ARHGAP39: variants seen among roughly 807,000 people sequenced by gnomAD.
ARHGAP39 encodes the protein rho GTPase-activating protein 39.
ARHGAP39 carries 44 observed loss-of-function variants against 106.9 expected under a neutral mutation model. That is an observed-to-expected ratio of 0.41 (90% confidence interval 0.32 to 0.53). The LOEUF is 0.53. Among genes scored for constraint, ARHGAP39 ranks in the 20% least tolerant of loss-of-function variants. The pLI, the probability that ARHGAP39 is intolerant of heterozygous loss-of-function variation, is 0.21. For missense variants in ARHGAP39, 1,496 were observed against 1,577.3 expected, an observed-to-expected ratio of 0.95 and a Z score of 0.87; for synonymous variants, 768 against 693.2, an observed-to-expected ratio of 1.11 and a Z score of -1.69.
At chr8:144,698,674 C>G in the ARHGAP39 span, 1 of 325,898 alleles carries the variant, frequency 3.1e-6, no homozygotes, top group Non-Finnish European at 6.1e-6. Flanking sequence ...TGCTAGGAAC[C>G]TATCTGTTCC....
At chr8:144,554,953 C>G (rs1055013597) in intron 4 of ARHGAP39, among the ~76,000 whole-genome samples, 5 of 152,246 alleles carry the variant, frequency 3.3e-5, no homozygotes, top group African/African-American at 7.2e-5. Flanking sequence ...CACCCACCCC[C>G]CTACAGAAAC....
At chr8:144,587,025 C>T (rs1819206738) in intron 2 of ARHGAP39, among the ~76,000 whole-genome samples, 1 of 152,182 alleles carries the variant, frequency 6.6e-6, no homozygotes, top group Non-Finnish European at 1.5e-5. Flanking sequence ...CTCATGAGAT[C>T]TGATGGTTTT....
intron 1 of ARHGAP39, among the ~76,000 whole-genome samples, chr8:144,620,789 C>T (rs767860980): frequency 1.6e-4 from 24 of 152,362 alleles, no homozygotes; most frequent in Middle Eastern, 3.4e-3. Context: ...CAGGCGCCTA[C>T]GTGTGAGAAG....
intron 1 of ARHGAP39, among the ~76,000 whole-genome samples, chr8:144,658,147 T>C (rs574404707): frequency 6.6e-6 from 1 of 152,170 alleles, no homozygotes; most frequent in Non-Finnish European, 1.5e-5. Context: ...TTTGCTCTTT[T>C]TGCCCAGGCT....
At chr8:144,533,409 A>G (rs1050401653) in intron 8 of ARHGAP39, 84 bp from the exon 9 acceptor site, 51 of 1,379,896 alleles carry the variant, frequency 3.7e-5, no homozygotes, top group Non-Finnish European at 4.9e-5. Flanking sequence ...TTCCCCGAAC[A>G]TAGGTGGGTG....
chr8:144,578,799 G>A (rs918083369), intron 3 of ARHGAP39, among the ~76,000 whole-genome samples: 1 of 151,962 alleles, frequency 6.6e-6, no homozygotes, highest in African/African-American at 2.4e-5. Flanking sequence ...CAGTGAGATT[G>A]CACCACTGCA....
Position 144,548,104 on chromosome 8 carries a change from G to GCTCATCGTAGATGGGGGC in ARHGAP39, c.964_981dup (p.Ala322_Glu327dup). 2 of 1,587,180 alleles carry GCTCATCGTAGATGGGGGC rather than the reference G, an allele frequency of 1.3e-6. No individual in the cohort carries two copies. Among genetic ancestry groups the GCTCATCGTAGATGGGGGC allele is most frequent in the African/African-American group, 2.7e-5 (2 of 74,262 alleles). The stretch of plus-strand genomic sequence containing the variant: ...GCCTCGAATTGCACGTCCATGGGGG[G>GCTCATCGTAGATGGGGGC]CTCATCGTAGATGGGGGCCTGGTAC... On this transcript the variant is annotated inframe_insertion, in exon 5 of 12. Transcript: ENST00000377307. The surrounding 1 kb of genome is among the most constrained non-coding windows in gnomAD (Gnocchi z 7.4).
rs955379313 is a variant in ARHGAP39, at chr8:144,601,561, C to T, written c.80+3974G>A. Among the ~76,000 whole-genome samples the T allele has an allele frequency of 3.3e-5, 4 of 121,222 alleles. No individual in the cohort carries two copies. In the Admixed American group the frequency reaches 3.6e-4, roughly 11 times the overall value. The allele number at this position is 121,222 out of a possible 152,430, so 79.5% of individuals were successfully genotyped here. A position where few individuals can be genotyped will look rare whatever the true frequency, so the allele number is the denominator to read the frequency against. The stretch of plus-strand genomic sequence containing the variant: ...GTGCATGGAGGCGTGCGTGCGAGCT[C>T]GTGTACCTGTGTGCATGTGCGTGGA... On this transcript the variant is annotated intron_variant, in intron 2 of 11. Coordinates refer to ENST00000377307, the MANE Select transcript of ARHGAP39 (RefSeq NM_025251.3).
chr8:144,697,046 C>T, the ARHGAP39 span, among the ~76,000 whole-genome samples: 3 of 152,122 alleles, frequency 2.0e-5, no homozygotes, highest in Admixed American at 6.6e-5. Context: ...TGATCCTGGT[C>T]GGGCGCGGTG....
Position 144,548,241 on chromosome 8 carries a change from G to C in ARHGAP39, c.845C>G (p.Pro282Arg). The C allele has an allele frequency of 3.7e-6, 6 of 1,608,342 alleles. No homozygotes were observed. The highest frequency in any genetic ancestry group is 4.2e-6 in the Non-Finnish European group (5 of 1,177,346). Residue 282 changes from proline to arginine, a missense_variant, in exon 5 of 12, where the codon CCA becomes CGA. Pro to Arg is a moderately radical substitution (Grantham distance 103). Around this residue, in one of 4 missense-constraint regions of ARHGAP39, gnomAD observed 905 missense variants for 816.4 expected, o/e 1.11. Transcript: ENST00000377307. This position sits in a 1 kb window ranked among gnomAD's most constrained non-coding sequence, Gnocchi z 7.4. ...GGCCAGCAGCGGGGAGCTGCTCCCT[G>C]GGAGCTCGGCCCTCTTCAGGAAGGG... ...PSPFLKRAEL[P>R]GSSSPLLAQP...
chr8:144,603,309 G>C (rs1261494599), intron 2 of ARHGAP39, among the ~76,000 whole-genome samples: 2 of 152,024 alleles, frequency 1.3e-5, no homozygotes, highest in Non-Finnish European at 1.5e-5. Flanking sequence ...ATCTGTGTGT[G>C]TGCGTGTGCA....
chr8:144,587,618 C>T (rs940790085), intron 2 of ARHGAP39, among the ~76,000 whole-genome samples: 8 of 150,802 alleles, frequency 5.3e-5, no homozygotes, highest in Non-Finnish European at 8.8e-5. Context: ...GAAAGGCCTG[C>T]TGGGTCCCCA....
At chr8:144,639,025 T>A (rs113695726) in intron 1 of ARHGAP39, among the ~76,000 whole-genome samples, 9 of 152,350 alleles carry the variant, frequency 5.9e-5, no homozygotes, top group South Asian at 2.1e-4. Flanking sequence ...ATGCTTTTTT[T>A]AAAAATTACC....
chr8:144,597,155 A>C (rs753241436), intron 2 of ARHGAP39, among the ~76,000 whole-genome samples: 6 of 152,136 alleles, frequency 3.9e-5, no homozygotes, highest in Non-Finnish European at 7.4e-5. Context: ...GGCGACCAGA[A>C]CCCTAACAGC....
Position 144,534,137 on chromosome 8 carries a change from C to T in ARHGAP39, c.2680G>A (p.Ala894Thr). The T allele has an allele frequency of 6.2e-7, 1 of 1,612,974 alleles. No homozygotes were observed. Among genetic ancestry groups the T allele is most frequent in the Non-Finnish European group, 8.5e-7 (1 of 1,179,718 alleles). Residue 894 changes from alanine (A) to threonine (T), a missense_variant, in exon 8 of 12, where the codon GCC becomes ACC. Around this residue, in one of 4 missense-constraint regions of ARHGAP39, gnomAD observed 470 missense variants for 605.1 expected, o/e 0.78. Coordinates refer to ENST00000377307, the MANE Select transcript of ARHGAP39 (RefSeq NM_025251.3). ...CCCAGGCGCACCCGTACCTTCTTGG[C>T]CCCGGTCAGGGCTGCCTTCTGTAGC... is the stretch of plus-strand genomic sequence containing the variant. ...HKLQKAALTGAKKGLKKPNVE... is the reference protein window; with the variant it reads ...HKLQKAALTGTKKGLKKPNVE...
Position 144,565,489 on chromosome 8 carries a change from G to A in ARHGAP39, c.513-9846C>T, listed in dbSNP as rs572214930. Among the ~76,000 whole-genome samples the A allele has an allele frequency of 3.3e-5, 5 of 152,262 alleles. No individual in the cohort carries two copies. In the East Asian group the frequency reaches 7.7e-4, roughly 24 times the overall value. On this transcript the variant is annotated intron_variant, in intron 3 of 11. Transcript: ENST00000377307. ...GGATCACTTGAGGTCAGGAGTTCAA[G>A]GCCAGACTGGGCAATGTGGCGAAAC...
rs1051693505 is a variant in ARHGAP39 at position 144,585,631 on chromosome 8, C to T, written c.81-4354G>A. Among the ~76,000 whole-genome samples, 4 of 152,146 alleles carry T rather than the reference C, an allele frequency of 2.6e-5. No homozygotes were observed. The highest frequency in any genetic ancestry group is 5.9e-5 in the Non-Finnish European group (4 of 68,002). On this transcript the variant is annotated intron_variant, in intron 2 of 11. Transcript: ENST00000377307. This position sits in a 1 kb window ranked among gnomAD's most constrained non-coding sequence, Gnocchi z 4.6. ...TGGTGCACCTCGAACCCCCACAGCT[C>T]AGCACTCTAGGGAGAGAGGATTCAG...
At chr8:144,560,171 C>T (rs551406473) in intron 3 of ARHGAP39, among the ~76,000 whole-genome samples, 7 of 152,246 alleles carry the variant, frequency 4.6e-5, no homozygotes, top group South Asian at 4.1e-4. Context: ...CAGTGACTCA[C>T]GCCTGTAATT....
chr8:144,693,511 C>T, the ARHGAP39 span, among the ~76,000 whole-genome samples: 1 of 152,090 alleles, frequency 6.6e-6, no homozygotes, highest in South Asian at 2.1e-4. Flanking sequence ...GTAGCTGGGA[C>T]TACAGGCGCC....
Sources: allele counts gnomAD v4.1 joint callset (sites outside exome capture counted in the v4.1 genomes callset), GRCh38; gene constraint gnomAD v4.1.1; regional missense constraint gnomAD v4.1.1; non-coding constraint Gnocchi (gnomAD v3.1); transcripts MANE v1.5; gene names NCBI Gene and HGNC (gene_info 2026-07-23, HGNC 2026-07-21).